TBCD: variants seen among roughly 807,000 people sequenced by gnomAD.
The protein encoded by TBCD is tubulin folding cofactor D, also known as tubulin-specific chaperone D.
TBCD carries 105 observed loss-of-function variants against 169.3 expected under a neutral mutation model. The ratio of observed to expected loss-of-function variants is 0.62; its 90% CI spans 0.53 to 0.73. TBCD has a LOEUF of 0.73. Among genes scored for constraint, TBCD ranks in the 30% least tolerant of loss-of-function variants. The pLI is 0.00. For missense variants in TBCD, 1,444 were observed against 1,600.1 expected, an observed-to-expected ratio of 0.90 and a Z score of 1.66; for synonymous variants, 700 against 643.9, an observed-to-expected ratio of 1.09 and a Z score of -1.32.
At chr17:82,893,968 G>A (rs1162591486) in intron 17 of TBCD, among the ~76,000 whole-genome samples, 3 of 133,510 alleles carry the variant, frequency 2.2e-5, no homozygotes, top group East Asian at 4.2e-4. Flanking sequence ...GTTCTGTGTG[G>A]GGCTTGGAGT....
intron 6 of TBCD, among the ~76,000 whole-genome samples, chr17:82,774,429 G>A (rs941627164): frequency 2.0e-4 from 31 of 152,184 alleles, no homozygotes; most frequent in African/African-American, 7.2e-4. Context: ...GAACAAAATC[G>A]AGTCTCCTAT....
chr17:82,807,723 C>T (rs904824064), intron 11 of TBCD, 55 bp downstream of exon 11: 44 of 1,334,396 alleles, frequency 3.3e-5, no homozygotes, highest in Non-Finnish European at 3.8e-5. Flanking sequence ...CTCTCCTGTG[C>T]GATTCAGCAG....
At chr17:82,901,761 G>A (rs1392494470) in intron 18 of TBCD, among the ~76,000 whole-genome samples, 3 of 152,222 alleles carry the variant, frequency 2.0e-5, no homozygotes, top group Admixed American at 1.3e-4. Context: ...CACTCGGGCT[G>A]CCGGGGGAAG....
intron 13 of TBCD, among the ~76,000 whole-genome samples, chr17:82,855,252 T>A (rs1567896835): frequency 2.3e-5 from 3 of 128,730 alleles, no homozygotes; most frequent in African/African-American, 1.0e-4. Flanking sequence ...TTTTTTTTTT[T>A]TTTTTTTTTT....
intron 13 of TBCD, among the ~76,000 whole-genome samples, chr17:82,842,391 C>G (rs1567871952): frequency 6.6e-6 from 1 of 152,232 alleles, no homozygotes; most frequent in Admixed American, 6.5e-5. Context: ...CTCTCTCCCC[C>G]TCTCTCCCTT....
intron 13 of TBCD, among the ~76,000 whole-genome samples, chr17:82,865,811 G>T (rs2057130735): frequency 6.6e-6 from 1 of 152,202 alleles, no homozygotes; most frequent in Non-Finnish European, 1.5e-5. Flanking sequence ...ATATTGCAGT[G>T]GGGACTGTGG....
At chr17:82,848,055 G>T (rs1336511610) in intron 13 of TBCD, among the ~76,000 whole-genome samples, 1 of 152,188 alleles carries the variant, frequency 6.6e-6, no homozygotes. Flanking sequence ...CTCTTGCCTG[G>T]TGAGTGTGAG....
chr17:82,895,006 G>A (rs1011237923), intron 17 of TBCD, among the ~76,000 whole-genome samples: 13 of 152,176 alleles, frequency 8.5e-5, no homozygotes, highest in Non-Finnish European at 1.3e-4. Flanking sequence ...ACCTTTTCCC[G>A]AGTTTCCTGA....
At chr17:82,883,233 C>T (rs773817830) in intron 14 of TBCD, among the ~76,000 whole-genome samples, 5 of 152,276 alleles carry the variant, frequency 3.3e-5, no homozygotes, top group Non-Finnish European at 7.3e-5. Flanking sequence ...CCAGGAACCT[C>T]GGAGGCGCTG....
chr17:82,905,025 G>A (rs2060137677), intron 19 of TBCD, among the ~76,000 whole-genome samples: 1 of 152,204 alleles, frequency 6.6e-6, no homozygotes, highest in Non-Finnish European at 1.5e-5. Context: ...GCAGCACTTG[G>A]GGAGGCTTAG....
In TBCD at chr17:82,864,852, C is replaced by T. The variant is rs1028073950; in HGVS notation, c.1319-5372C>T. On this transcript the variant is annotated intron_variant, in intron 13 of 38. Coordinates refer to ENST00000355528, the MANE Select transcript of TBCD (RefSeq NM_005993.5). The surrounding 1 kb of genome is among the most constrained non-coding windows in gnomAD (Gnocchi z 6.3). ...TGGGGACAGCGGGGGCCTGCTCACT[C>T]CCCGGGGCACCGTGGGGACAGCGGG... 6.6e-6 allele frequency among the ~76,000 whole-genome samples: 1 copy of T among 150,394 alleles called. No individual in the cohort carries two copies. The highest frequency in any genetic ancestry group is 6.6e-5 in the Admixed American group (1 of 15,150).
At chr17:82,794,049 G>A (rs2049934362) in intron 7 of TBCD, among the ~76,000 whole-genome samples, 2 of 152,196 alleles carry the variant, frequency 1.3e-5, no homozygotes, top group African/African-American at 4.8e-5. Flanking sequence ...CTTCTCAGAA[G>A]CCTGTGTTAC....
chr17:82,943,835 GTCT>G lies in TBCD; in HGVS notation c.*1373_*1375del, dbSNP rs1197372783. ...TTTTATTCCAACCTGTGTAATAGGG[GTCT>G]CCTCCTCCTTGAACTGTCCCGATTG... On this transcript the variant is annotated 3_prime_UTR_variant, in exon 39 of 39. Transcript: ENST00000355528. 6.6e-6 allele frequency: 1 copy of G among 152,280 alleles called. No homozygotes were observed. Among genetic ancestry groups the G allele is most frequent in the East Asian group, 1.9e-4 (1 of 5,194 alleles). The allele number at this position is 152,280 out of a possible 1,614,324, so 9.4% of individuals were successfully genotyped here. A position where few individuals can be genotyped will look rare whatever the true frequency, so the allele number is the denominator to read the frequency against.
intron 13 of TBCD, among the ~76,000 whole-genome samples, chr17:82,849,592 G>T (rs61638683): frequency 0.57 from 86,716 of 151,738 alleles, 24,937 homozygotes; most frequent in East Asian, 0.71. Flanking sequence ...TAAGAACCGC[G>T]TGGCACTAGC....
intron 13 of TBCD, among the ~76,000 whole-genome samples, chr17:82,815,255 AG>A (rs532579817): frequency 6.6e-6 from 1 of 152,104 alleles, no homozygotes; most frequent in Non-Finnish European, 1.5e-5. Flanking sequence ...CTGGTTTTGG[AG>A]GGCCACGAAT....
chr17:82,772,613 C>A, intron 6 of TBCD, 106 bp downstream of exon 6: 1 of 1,244,014 alleles, frequency 8.0e-7, no homozygotes, highest in Non-Finnish European at 1.2e-6. Flanking sequence ...CGAAGGACCC[C>A]GGGAAGTCTT....
intron 5 of TBCD, among the ~76,000 whole-genome samples, chr17:82,772,049 G>C (rs2048338975): frequency 6.6e-6 from 1 of 152,144 alleles, no homozygotes; most frequent in African/African-American, 2.4e-5. Flanking sequence ...AGTTTGAACA[G>C]GGCCTCTTAT....
chr17:82,886,503 A>G (rs2058713718), intron 15 of TBCD, among the ~76,000 whole-genome samples: 1 of 150,868 alleles, frequency 6.6e-6, no homozygotes, highest in Non-Finnish European at 1.5e-5. Context: ...CAGTTAAAGT[A>G]AAGGCACTTA....
chr17:82,790,491 C>T (rs1410175533), intron 7 of TBCD, among the ~76,000 whole-genome samples: 1 of 152,182 alleles, frequency 6.6e-6, no homozygotes, highest in East Asian at 1.9e-4. Context: ...CCCATCCCCC[C>T]GTGTGTCCTG....
Sources: allele counts gnomAD v4.1 joint callset (sites outside exome capture counted in the v4.1 genomes callset), GRCh38; gene constraint gnomAD v4.1.1; non-coding constraint Gnocchi (gnomAD v3.1); transcripts MANE v1.5; gene names NCBI Gene and HGNC (gene_info 2026-07-23, HGNC 2026-07-21).